The following GALNT13 variants were observed in gnomAD, a reference collection of about 807,000 sequenced individuals.
GALNT13 encodes the protein polypeptide N-acetylgalactosaminyltransferase 13.
Under a neutral mutation model 64.2 loss-of-function variants are expected in GALNT13, and 28 were observed. The ratio of observed to expected loss-of-function variants is 0.44; its 90% CI spans 0.32 to 0.60. The LOEUF is 0.60. Among genes scored for constraint, GALNT13 ranks in the 20% least tolerant of loss-of-function variants. GALNT13 has a pLI of 0.05. For synonymous variants in GALNT13, 214 were observed against 224.6 expected (o/e 0.95, Z 0.42); for missense variants, 577 against 669.8 (o/e 0.86, Z 1.53).
intron 3 of GALNT13, among the ~76,000 whole-genome samples, chr2:154,089,563 C>G (rs1376991185): frequency 6.6e-6 from 1 of 151,988 alleles, no homozygotes; most frequent in Non-Finnish European, 1.5e-5. Flanking sequence ...CTGAGAAACA[C>G]TGGTGCTCTG....
chr2:154,238,374 A>T (rs1689306284), intron 4 of GALNT13, among the ~76,000 whole-genome samples: 2 of 152,046 alleles, frequency 1.3e-5, no homozygotes, highest in South Asian at 4.1e-4. Flanking sequence ...GTCCAAATTC[A>T]TTTAAAAGCT....
At chr2:154,049,892 A>G (rs1699490169) in intron 3 of GALNT13, among the ~76,000 whole-genome samples, 1 of 151,986 alleles carries the variant, frequency 6.6e-6, no homozygotes, top group South Asian at 2.1e-4. Flanking sequence ...TTTTATTTTT[A>G]TTTTGTTGGA....
At chr2:153,650,559 C>T in the GALNT13 span, among the ~76,000 whole-genome samples, 1 of 152,078 alleles carries the variant, frequency 6.6e-6, no homozygotes, top group East Asian at 1.9e-4. Flanking sequence ...CTTCCTAGCA[C>T]TGATGGTCTT....
At chr2:154,330,005 T>C (rs186365668) in intron 9 of GALNT13, among the ~76,000 whole-genome samples, 4 of 152,220 alleles carry the variant, frequency 2.6e-5, no homozygotes, top group Admixed American at 2.6e-4. Flanking sequence ...CAGGTATTTC[T>C]TTATAAAAAT....
the GALNT13 span, among the ~76,000 whole-genome samples, chr2:153,704,612 G>A: frequency 3.3e-5 from 5 of 152,102 alleles, no homozygotes; most frequent in Non-Finnish European, 7.4e-5. Context: ...TTGTTTGAGT[G>A]TGCATGTGAT....
the GALNT13 span, among the ~76,000 whole-genome samples, chr2:153,666,867 G>T: frequency 7.9e-5 from 12 of 152,094 alleles, no homozygotes; most frequent in African/African-American, 2.7e-4. Context: ...TGGAAATGAA[G>T]ATCATAAAGA....
intron 8 of GALNT13, chr2:154,287,203 T>G: frequency 6.9e-7 from 1 of 1,458,028 alleles, no homozygotes; most frequent in Non-Finnish European, 9.5e-7. Context: ...GGGCCAGATT[T>G]GTGGTGGAAA....
downstream of GALNT13, among the ~76,000 whole-genome samples, chr2:154,456,339 A>G (rs1427133037): frequency 6.6e-6 from 1 of 152,130 alleles, no homozygotes; most frequent in Non-Finnish European, 1.5e-5. Context: ...AAATACTGTA[A>G]GCATTATTAG....
chr2:154,320,728 C>T (rs548696716), intron 9 of GALNT13, among the ~76,000 whole-genome samples: 100 of 152,152 alleles, frequency 6.6e-4, no homozygotes, highest in Non-Finnish European at 1.1e-3. Flanking sequence ...GCCTGCCTTA[C>T]GCATGGACCA....
intron 4 of GALNT13, among the ~76,000 whole-genome samples, chr2:154,207,312 C>A (rs895704532): frequency 6.6e-6 from 1 of 152,178 alleles, no homozygotes; most frequent in African/African-American, 2.4e-5. Context: ...TCTCCACTTG[C>A]CTTTGCTGTC....
At chr2:154,298,892 A>G (rs1253192450) in intron 8 of GALNT13, among the ~76,000 whole-genome samples, 1 of 96,448 alleles carries the variant, frequency 1.0e-5, no homozygotes, top group Admixed American at 1.2e-4. Context: ...ATTTATATAT[A>G]CATTATATAT....
chr2:153,291,562 C>T, the GALNT13 span, among the ~76,000 whole-genome samples: 2 of 152,104 alleles, frequency 1.3e-5, no homozygotes, highest in African/African-American at 4.8e-5. Context: ...TCATCCCCAC[C>T]ACCATGCTGG....
the GALNT13 span, among the ~76,000 whole-genome samples, chr2:153,380,943 G>GT: frequency 5.3e-5 from 8 of 151,774 alleles, no homozygotes; most frequent in South Asian, 1.0e-3. Flanking sequence ...GTTTCATTTT[G>GT]TTTTTTTGTT....
chr2:154,257,048 TGA>T (rs1296024468), intron 7 of GALNT13, among the ~76,000 whole-genome samples: 2 of 152,132 alleles, frequency 1.3e-5, no homozygotes, highest in African/African-American at 4.8e-5. Context: ...GTCTCCAATC[TGA>T]GAGAGCTAAC....
the GALNT13 span, among the ~76,000 whole-genome samples, chr2:153,440,831 G>C: frequency 4.0e-5 from 6 of 151,352 alleles, no homozygotes; most frequent in Non-Finnish European, 8.8e-5. Flanking sequence ...TAAGTTTTTT[G>C]TATCTTCTGG....
intron 3 of GALNT13, among the ~76,000 whole-genome samples, chr2:154,004,323 A>G (rs1479533025): frequency 3.3e-5 from 5 of 152,018 alleles, no homozygotes; most frequent in African/African-American, 1.2e-4. Context: ...CTCCTGCCTA[A>G]ACCTCCCAAG....
the GALNT13 span, among the ~76,000 whole-genome samples, chr2:153,803,691 C>CA: frequency 0.22 from 23,317 of 104,874 alleles, 2,833 homozygotes; most frequent in Admixed American, 0.37. Flanking sequence ...GACTCTGTCT[C>CA]AAAAAAAAAA....
At chr2:153,900,913 T>C (rs1169758753) in intron 1 of GALNT13, 23 bp from the exon 2 acceptor site, 1 of 152,214 alleles carries the variant, frequency 6.6e-6, no homozygotes, top group Non-Finnish European at 1.5e-5. Context: ...GTTTACTCTT[T>C]TGGATTTTTT....
At chr2:153,335,433 G>C in the GALNT13 span, among the ~76,000 whole-genome samples, 1 of 152,196 alleles carries the variant, frequency 6.6e-6, no homozygotes, top group African/African-American at 2.4e-5. Context: ...CCAAGCTGAG[G>C]TGATCTCAGA....
Sources: gnomAD v4.1 joint callset for allele counts (sites outside exome capture counted in the v4.1 genomes callset) on GRCh38, gnomAD v4.1.1 for gene constraint, MANE v1.5 for transcripts, NCBI Gene and HGNC (gene_info 2026-07-23, HGNC 2026-07-21) for gene names.